DENND2B: variants seen among roughly 807,000 people sequenced by gnomAD.
DENND2B encodes the protein DENN domain containing 2B, also known as DENN domain-containing protein 2B.
In DENND2B, 32 loss-of-function variants were observed where a neutral mutation model predicts 116.0. The ratio of observed to expected loss-of-function variants is 0.28; its 90% CI spans 0.21 to 0.37. The LOEUF (loss-of-function observed/expected upper bound fraction) is 0.37, where lower values mean the gene tolerates loss of function less well. Ranked by LOEUF, DENND2B falls within the 10% of genes least tolerant of loss-of-function variation. The pLI is 1.00. For synonymous variants in DENND2B, 588 were observed against 583.9 expected, an observed-to-expected ratio of 1.01 and a Z score of -0.10; for missense variants, 1,276 against 1,477.7, an observed-to-expected ratio of 0.86 and a Z score of 2.24.
Position 8,707,055 on chromosome 11 carries a change from C to A in DENND2B, c.2571+30G>T, listed in dbSNP as rs1029736597. ...GTCCTCCTGCCACCCCAGCCCGTAGCCCGAGAGAAGAGGGTGCAGAAATCC... is the reference window on the plus strand; with the variant it reads ...GTCCTCCTGCCACCCCAGCCCGTAGACCGAGAGAAGAGGGTGCAGAAATCC... On this transcript the variant is annotated intron_variant, in intron 13 of 19. Coordinates refer to ENST00000313726, the MANE Select transcript of DENND2B (RefSeq NM_213618.2). This position sits in a 1 kb window ranked among gnomAD's most constrained non-coding sequence, Gnocchi z 4.8. 8 of 1,599,244 alleles carry A rather than the reference C, an allele frequency of 5.0e-6. No individual in the cohort carries two copies. The highest frequency in any genetic ancestry group is 6.8e-6 in the Non-Finnish European group (8 of 1,170,920).
chr11:8,816,956 G>A (rs1049623985), intron 4 of DENND2B, among the ~76,000 whole-genome samples: 1 of 152,154 alleles, frequency 6.6e-6, no homozygotes, highest in African/African-American at 2.4e-5. Flanking sequence ...CAGAGCCCCG[G>A]GCTTGGGGCT....
chr11:8,703,427 G>C (rs2133736250), intron 13 of DENND2B: 1 of 152,578 alleles, frequency 6.6e-6, no homozygotes, highest in East Asian at 1.9e-4. Context: ...GAGTGCCACA[G>C]CTCAGAGAGC....
intron 4 of DENND2B, among the ~76,000 whole-genome samples, chr11:8,826,979 A>G (rs1212732652): frequency 6.6e-6 from 1 of 152,170 alleles, no homozygotes; most frequent in Non-Finnish European, 1.5e-5. Context: ...GGGAACGGGG[A>G]GAGTAGAAAG....
In DENND2B at chr11:8,849,864, G is replaced by A. The variant is rs1159865375; in HGVS notation, c.-156+7479C>T. ...GAAAAGACCAATAAGGCTGGGTGCT[G>A]TGGTTCATGCCTGTAATTCCAACAC... is the stretch of plus-strand genomic sequence containing the variant. On this transcript the variant is annotated intron_variant, in intron 3 of 6. Coordinates refer to the DENND2B transcript ENST00000524757. 1.3e-5 allele frequency among the ~76,000 whole-genome samples: 2 copies of A among 150,914 alleles called. 1 individual carries two copies. The highest frequency in any genetic ancestry group is 3.0e-5 in the Non-Finnish European group (2 of 67,734).
Position 8,702,800 on chromosome 11 carries a change from C to T in DENND2B, c.2572-80G>A. ...CTGGCCCTCCACGAAGCAACTGGAG[C>T]TGCTTTCCCCTTCCAACCTGCTCTT... On this transcript the variant is annotated intron_variant, in intron 13 of 19. Transcript: ENST00000313726. This position sits in a 1 kb window ranked among gnomAD's most constrained non-coding sequence, Gnocchi z 4.6. 8.1e-7 allele frequency: 1 copy of T among 1,230,924 alleles called. No individual in the cohort carries two copies. Among genetic ancestry groups the T allele is most frequent in the Non-Finnish European group, 1.1e-6 (1 of 881,618 alleles). The allele number at this position is 1,230,924 out of a possible 1,614,324, so 76.3% of individuals were successfully genotyped here.
At chr11:8,902,569 A>T (rs1342853957) in intron 1 of DENND2B, among the ~76,000 whole-genome samples, 3 of 152,142 alleles carry the variant, frequency 2.0e-5, no homozygotes, top group Non-Finnish European at 4.4e-5. Flanking sequence ...ATGTTAATAC[A>T]TTTACTTCAG....
intron 4 of DENND2B, among the ~76,000 whole-genome samples, chr11:8,720,966 A>C (rs937617726): frequency 1.3e-5 from 2 of 152,154 alleles, no homozygotes; most frequent in Admixed American, 6.5e-5. Flanking sequence ...GGCAGACTGC[A>C]AATTTCTACC....
At position 8,853,588 on chromosome 11, in the gene DENND2B, T is replaced by C. The variant is rs139912750; in HGVS notation, c.-156+3755A>G. ...TATAGCATCCTGAATGGACTAAGACTATGGGGAAATCTGAATATGGTCTGA... is the reference window on the plus strand; with the variant it reads ...TATAGCATCCTGAATGGACTAAGACCATGGGGAAATCTGAATATGGTCTGA... On this transcript the variant is annotated intron_variant, in intron 3 of 6. Coordinates refer to the DENND2B transcript ENST00000524757. Among the ~76,000 whole-genome samples, 61 of 152,256 alleles carry C rather than the reference T, an allele frequency of 4.0e-4. No homozygotes were observed. The East Asian group carries it at 0.011, about 27-fold the overall frequency.
intron 4 of DENND2B, among the ~76,000 whole-genome samples, chr11:8,720,850 G>A (rs543326947): frequency 2.0e-5 from 3 of 152,256 alleles, no homozygotes; most frequent in South Asian, 4.2e-4. Context: ...TGGAGGAGAC[G>A]GTAGGCTGGG....
intron 1 of DENND2B, among the ~76,000 whole-genome samples, chr11:8,889,538 C>T (rs1024879180): frequency 1.3e-5 from 2 of 152,208 alleles, no homozygotes; most frequent in African/African-American, 4.8e-5. Context: ...CAGGTCACTC[C>T]CACCCTAATA....
At position 8,712,430 on chromosome 11, in the gene DENND2B, G is replaced by T; in HGVS notation, c.2172+121C>A. ...CTGGCTGAGAGGAGGCAGGTTCAGG[G>T]CTGTGGCAGCTCGGTGAGGACGTAT... On this transcript the variant is annotated intron_variant, in intron 9 of 19. Transcript: ENST00000313726. The surrounding 1 kb of genome is among the most constrained non-coding windows in gnomAD (Gnocchi z 4.4). 3 of 1,182,658 alleles carry T rather than the reference G, an allele frequency of 2.5e-6. No homozygotes were observed. Among genetic ancestry groups the T allele is most frequent in the African/African-American group, 1.5e-5 (1 of 65,226 alleles). 73.3% of individuals were successfully genotyped at this position (1,182,658 alleles called of 1,614,324 possible). A position where few individuals can be genotyped will look rare whatever the true frequency, so the allele number is the denominator to read the frequency against.
In DENND2B at chr11:8,697,532, G is replaced by A. The variant is rs151224923; in HGVS notation, c.3045C>T (p.Ser1015=). 204 of 1,613,684 alleles carry A rather than the reference G, an allele frequency of 1.3e-4. No homozygotes were observed. In the African/African-American group the frequency reaches 1.5e-3, roughly 12 times the overall value. The change falls in exon 17 of 20, where the codon TCC becomes TCT. Residue 1015 remains serine (S), a synonymous_variant. Coordinates refer to ENST00000313726, the MANE Select transcript of DENND2B (RefSeq NM_213618.2). ...CCCGGGCACTATTCTCACCATCGTCGGAGTCGCTGTCAGAGTCCTGGGAGA... is the reference window on the plus strand; with the variant it reads ...CCCGGGCACTATTCTCACCATCGTCAGAGTCGCTGTCAGAGTCCTGGGAGA... ...ELISQDSDSD[S]DDECNTLNGL...
intron 4 of DENND2B, chr11:8,719,118 C>T (rs2045668550): frequency 2.0e-5 from 20 of 985,528 alleles, no homozygotes; most frequent in Non-Finnish European, 2.2e-5. Context: ...GGAACTCAGA[C>T]CCCACTCCTC....
intron 16 of DENND2B, among the ~76,000 whole-genome samples, chr11:8,698,156 AAAAAAAAAAAG>A (rs1342246579): frequency 2.7e-5 from 4 of 145,838 alleles, no homozygotes; most frequent in Non-Finnish European, 6.0e-5. Context: ...AAAAAAAAAA[AAAAAAAAAAAG>A]GGGGTAGAGC....
At chr11:8,709,596 G>A (rs553749484) in intron 11 of DENND2B, among the ~76,000 whole-genome samples, 2 of 152,206 alleles carry the variant, frequency 1.3e-5, no homozygotes, top group Admixed American at 6.5e-5. Flanking sequence ...CCCCTCCATG[G>A]GCATTCTACC....
At chr11:8,725,369 A>ATAT (rs3060229) in intron 4 of DENND2B, among the ~76,000 whole-genome samples, 143,964 of 148,672 alleles carry the variant, frequency 0.97, 69,786 homozygotes, top group South Asian at 1. Context: ...ACCTTATGAA[A>ATAT]TATTACTTTT....
chr11:8,793,088 T>C (rs186583254), intron 1 of DENND2B, among the ~76,000 whole-genome samples: 5 of 152,314 alleles, frequency 3.3e-5, no homozygotes, highest in Admixed American at 3.3e-4. Context: ...TCTGAAGAAA[T>C]GCAATGCTGC....
rs200428086 is a variant in DENND2B at position 8,717,904 on chromosome 11, G to A, written c.1478-12C>T. The A allele has an allele frequency of 1.2e-5, 19 of 1,604,750 alleles. No homozygotes were observed. The highest frequency in any genetic ancestry group is 5.1e-5 in the Admixed American group (3 of 58,364). ...CTTGGGCAGATCTCCTGCAGAGGAG[G>A]AAGAGTTAGAGAAGGGGGAGAAGGG... On this transcript the variant is annotated splice_polypyrimidine_tract_variant and intron_variant, in intron 4 of 19. Coordinates refer to ENST00000313726, the MANE Select transcript of DENND2B (RefSeq NM_213618.2).
chr11:8,876,507 AGGTTCACTCC>A (rs1432793336), intron 2 of DENND2B, among the ~76,000 whole-genome samples: 3 of 152,132 alleles, frequency 2.0e-5, no homozygotes, highest in African/African-American at 7.2e-5. Flanking sequence ...GCTCACAAAA[AGGTTCACTCC>A]AATCCATTTA....
Sources: allele counts gnomAD v4.1 joint callset (sites outside exome capture counted in the v4.1 genomes callset), GRCh38; gene constraint gnomAD v4.1.1; non-coding constraint Gnocchi (gnomAD v3.1); transcripts MANE v1.5; gene names NCBI Gene and HGNC (gene_info 2026-07-23, HGNC 2026-07-21).